UBAP2: variants seen among roughly 807,000 people sequenced by gnomAD.
UBAP2 encodes the protein ubiquitin associated protein 2.
In UBAP2, 75 loss-of-function variants were observed where a neutral mutation model predicts 139.6. The ratio of observed to expected loss-of-function variants is 0.54; its 90% CI spans 0.45 to 0.65. The LOEUF is 0.65. UBAP2 is among the 30% of genes least tolerant of loss of function. The pLI, the probability that UBAP2 is intolerant of heterozygous loss-of-function variation, is 0.00. For missense variants in UBAP2, 1,368 were observed against 1,369.6 expected, an observed-to-expected ratio of 1.00 and a Z score of 0.02; for synonymous variants, 526 against 526.2, an observed-to-expected ratio of 1.00 and a Z score of 0.01.
intron 2 of UBAP2, among the ~76,000 whole-genome samples, chr9:34,001,583 C>T (rs1822706498): frequency 6.6e-6 from 1 of 152,174 alleles, no homozygotes; most frequent in Non-Finnish European, 1.5e-5. Flanking sequence ...GCCCCAAGCA[C>T]TTTTTTACCG....
At chr9:33,970,317 C>T (rs1827820705) in intron 8 of UBAP2, among the ~76,000 whole-genome samples, 1 of 152,032 alleles carries the variant, frequency 6.6e-6, no homozygotes, top group Admixed American at 6.6e-5. Flanking sequence ...CAAATAACAA[C>T]TTATAAATTT....
Position 34,008,943 on chromosome 9 carries a change from G to A in UBAP2, c.99+8107C>T, listed in dbSNP as rs571164984. ...TCACGCCACTGCACTCCAGCCTGGC[G>A]ACACAGCGAGACTGTCTCAAAAAAA... is the stretch of plus-strand genomic sequence containing the variant. On this transcript the variant is annotated intron_variant, in intron 2 of 28. Coordinates refer to ENST00000379238, the MANE Select transcript of UBAP2 (RefSeq NM_001370062.2). 3.3e-5 allele frequency among the ~76,000 whole-genome samples: 4 copies of A among 121,388 alleles called. No individual in the cohort carries two copies. The East Asian group carries it at 7.1e-4, about 22-fold the overall frequency. The allele number at this position is 121,388 out of a possible 152,430, so 79.6% of individuals were successfully genotyped here.
intron 22 of UBAP2, among the ~76,000 whole-genome samples, chr9:33,925,724 G>A (rs935683567): frequency 3.9e-5 from 6 of 152,218 alleles, no homozygotes; most frequent in African/African-American, 1.4e-4. Flanking sequence ...GAGCAGCTCC[G>A]TCAGCTCTTT....
intron 2 of UBAP2, among the ~76,000 whole-genome samples, chr9:34,016,305 A>G (rs1256352455): frequency 4.4e-4 from 10 of 22,848 alleles, no homozygotes; most frequent in Non-Finnish European, 8.0e-4. Flanking sequence ...AAGAGGAGGA[A>G]GAGGAGGAAG....
intron 6 of UBAP2, among the ~76,000 whole-genome samples, chr9:33,979,908 C>G (rs1729649677): frequency 6.6e-6 from 1 of 150,616 alleles, no homozygotes; most frequent in Non-Finnish European, 1.5e-5. Context: ...CCCATCTCTA[C>G]TAAAAATACA....
At chr9:34,044,442 G>GTAGTCCCA (rs1478981880) in intron 1 of UBAP2, among the ~76,000 whole-genome samples, 4 of 151,918 alleles carry the variant, frequency 2.6e-5, no homozygotes, top group Non-Finnish European at 4.4e-5. Flanking sequence ...ATGCATGCCT[G>GTAGTCCCA]TAGTCCCAGC....
In UBAP2 at chr9:33,923,439, T is replaced by C. The variant is rs1257702312; in HGVS notation, c.2836A>G (p.Ser946Gly). 3 of 1,614,040 alleles carry C rather than the reference T, an allele frequency of 1.9e-6. No homozygotes were observed. Among genetic ancestry groups the C allele is most frequent in the East Asian group, 4.5e-5 (2 of 44,854 alleles). ...TGCTGGAAGGGAGGTGTGGGAGTGC[T>C]GAGGTTCACCCCATGTTGCTTGGCT... is the stretch of plus-strand genomic sequence containing the variant. ...ASAKQHGVNLSTPTPPFQQAS... is the reference protein window; with the variant it reads ...ASAKQHGVNLGTPTPPFQQAS... Residue 946 changes from serine (S) to glycine (G), a missense_variant, in exon 25 of 29, where the codon AGC becomes GGC. By Grantham distance (56) the Ser-to-Gly change is moderately conservative (BLOSUM62 0). Coordinates refer to ENST00000379238, the MANE Select transcript of UBAP2 (RefSeq NM_001370062.2).
intron 2 of UBAP2, among the ~76,000 whole-genome samples, chr9:34,004,500 A>G (rs1823003025): frequency 6.6e-6 from 1 of 151,018 alleles, no homozygotes; most frequent in Non-Finnish European, 1.5e-5. Flanking sequence ...GGAAAAAAAA[A>G]GGCTGGGCGC....
In UBAP2 at chr9:34,009,107, GT is replaced by G. The variant is rs199657011; in HGVS notation, c.99+7942del. Among the ~76,000 whole-genome samples the G allele has an allele frequency of 1.8e-4, 25 of 136,974 alleles. No individual in the cohort carries two copies. The South Asian group carries it at 4.0e-3, about 22-fold the overall frequency. The allele number at this position is 136,974 out of a possible 152,430, so 89.9% of individuals were successfully genotyped here. ...CCCTAAAAATTTGGTGTTTTGTTTTGTTTTTTTTTTGAGACAGAATCTTGCT... is the reference window on the plus strand; with the variant it reads ...CCCTAAAAATTTGGTGTTTTGTTTTGTTTTTTTTTGAGACAGAATCTTGCT... On this transcript the variant is annotated intron_variant, in intron 2 of 28. Coordinates refer to ENST00000379238, the MANE Select transcript of UBAP2 (RefSeq NM_001370062.2).
chr9:33,987,830 TAGCA>T (rs1821347077), intron 5 of UBAP2, among the ~76,000 whole-genome samples: 3 of 152,158 alleles, frequency 2.0e-5, no homozygotes, highest in Non-Finnish European at 4.4e-5. Flanking sequence ...AATAGCAAAA[TAGCA>T]ATACCAAGGA....
In UBAP2 at chr9:33,953,431, G is replaced by T; in HGVS notation, c.910C>A (p.Gln304Lys). The T allele has an allele frequency of 1.2e-6, 2 of 1,614,076 alleles. No homozygotes were observed. The highest frequency in any genetic ancestry group is 1.6e-4 in the Middle Eastern group (1 of 6,062). ...TCAAAGGAGTTGGCTTCTGAGGCTT[G>T]ACTGTGAGGAACAGGCTTCTGGAGC... Reference protein sequence around the residue: ...ALLQKPVPHSQASEANSFETS... With the variant: ...ALLQKPVPHSKASEANSFETS... Residue 304 changes from glutamine to lysine, a missense_variant, in exon 12 of 29, where the codon CAA becomes AAA. By Grantham distance (53) the Gln-to-Lys change is moderately conservative. Coordinates refer to ENST00000379238, the MANE Select transcript of UBAP2 (RefSeq NM_001370062.2).
chr9:33,963,844 T>A, intron 8 of UBAP2, 53 bp from the exon 9 acceptor site: 1 of 861,112 alleles, frequency 1.2e-6, no homozygotes, highest in Non-Finnish European at 2.0e-6. Flanking sequence ...AATGAAAGTA[T>A]TCATCACAGA....
At chr9:34,038,855 C>T (rs1308092177) in intron 1 of UBAP2, among the ~76,000 whole-genome samples, 10 of 149,366 alleles carry the variant, frequency 6.7e-5, no homozygotes, top group African/African-American at 2.5e-4. Context: ...TCTGCCCGGC[C>T]GCCCATCGTC....
chr9:34,030,711 G>C (rs1447875561), intron 1 of UBAP2, among the ~76,000 whole-genome samples: 3 of 152,108 alleles, frequency 2.0e-5, no homozygotes, highest in African/African-American at 7.2e-5. Flanking sequence ...TGGATCACAA[G>C]GTCAGGTGAT....
intron 11 of UBAP2, among the ~76,000 whole-genome samples, chr9:33,955,737 G>C (rs1424771840): frequency 2.0e-5 from 3 of 150,166 alleles, no homozygotes; most frequent in Non-Finnish European, 3.0e-5. Context: ...TGAGGCAGGA[G>C]AATCACTTGA....
rs150677719 is a variant in UBAP2, at chr9:33,944,790, T to C, written c.1271-151A>G. ...CACACTATGTGTAACACTTCATTTA[T>C]GATAAACGGGAAAAGTTCCTAAATG... On this transcript the variant is annotated intron_variant, in intron 13 of 28. Coordinates refer to ENST00000379238, the MANE Select transcript of UBAP2 (RefSeq NM_001370062.2). 8.7e-5 allele frequency: 83 copies of C among 951,304 alleles called. 1 individual carries two copies. In the East Asian group the frequency reaches 2.1e-3, roughly 24 times the overall value. The allele number at this position is 951,304 out of a possible 1,614,324, so 58.9% of individuals were successfully genotyped here.
intron 7 of UBAP2, among the ~76,000 whole-genome samples, chr9:33,972,152 T>A (rs967162415): frequency 2.6e-5 from 4 of 152,218 alleles, no homozygotes; most frequent in Non-Finnish European, 5.9e-5. Context: ...CTTTTACAGC[T>A]TAGATTTATA....
At chr9:33,935,440 G>A (rs1336308486) in intron 17 of UBAP2, 5 of 173,886 alleles carry the variant, frequency 2.9e-5, no homozygotes, top group African/African-American at 4.8e-5. Context: ...CTAGTTTTTC[G>A]TATTTTAGTA....
intron 16 of UBAP2, among the ~76,000 whole-genome samples, chr9:33,937,891 T>C (rs1392569528): frequency 1.3e-5 from 2 of 152,064 alleles, no homozygotes; most frequent in African/African-American, 2.4e-5. Context: ...CACTCCAGCC[T>C]GGGCAACAAC....
Sources: allele counts gnomAD v4.1 joint callset (sites outside exome capture counted in the v4.1 genomes callset), GRCh38; gene constraint gnomAD v4.1.1; transcripts MANE v1.5; gene names NCBI Gene and HGNC (gene_info 2026-07-23, HGNC 2026-07-21).